The following WDR35 variants were observed in gnomAD, a reference collection of about 807,000 sequenced individuals.
The protein encoded by WDR35 is WD repeat-containing protein 35.
A neutral mutation model predicts 158.3 loss-of-function variants in WDR35; 118 were observed. The ratio of observed to expected loss-of-function variants is 0.75; its 90% CI spans 0.64 to 0.87. WDR35 has a LOEUF of 0.87. Among genes scored for constraint, WDR35 ranks in the 40% least tolerant of loss-of-function variants. The pLI, the probability that WDR35 is intolerant of heterozygous loss-of-function variation, is 0.00. For missense variants in WDR35, 1,263 were observed against 1,405.8 expected (o/e 0.90, Z 1.62); for synonymous variants, 448 against 476.1 (o/e 0.94, Z 0.77).
intron 10 of WDR35, among the ~76,000 whole-genome samples, chr2:19,961,911 A>G (rs1558347416): frequency 1.3e-5 from 2 of 152,194 alleles, no homozygotes; most frequent in Admixed American, 6.5e-5. Context: ...TTGGCGGGAA[A>G]TCATTAGGCA....
At chr2:19,966,935 GAAGGAGATTGA>G (rs1171781936) in intron 9 of WDR35, 26 bp from the exon 10 acceptor site, 3 of 1,606,790 alleles carry the variant, frequency 1.9e-6, no homozygotes, top group East Asian at 4.5e-5. Flanking sequence ...GGAGGAAAGG[GAAGGAGATTGA>G]AAGGGAGAAG....
chr2:19,937,996 C>A (rs1670756475), intron 18 of WDR35, 50 bp from the exon 19 acceptor site: 3 of 1,593,910 alleles, frequency 1.9e-6, no homozygotes, highest in Admixed American at 3.4e-5. Context: ...AAATTACTGA[C>A]AAACTAGTCT....
chr2:19,960,746 T>C (rs1671623058), intron 10 of WDR35, 132 bp from the exon 11 acceptor site: 1 of 690,520 alleles, frequency 1.4e-6, no homozygotes, highest in African/African-American at 1.8e-5. Flanking sequence ...AACTGTTACG[T>C]GCAAAAAATA....
At chr2:19,926,179 T>C (rs980482447) in intron 25 of WDR35, among the ~76,000 whole-genome samples, 9 of 152,392 alleles carry the variant, frequency 5.9e-5, no homozygotes, top group Admixed American at 2.0e-4. Context: ...GATTGCCTTC[T>C]CCTGCTATAA....
Position 19,974,620 on chromosome 2 carries a change from A to G in WDR35, c.584T>C (p.Leu195Pro), listed in dbSNP as rs1328792518. The change falls in exon 7 of 27, where the codon CTG becomes CCG. Residue 195 changes from leucine to proline, a missense_variant. Leu to Pro is a moderately conservative substitution (Grantham distance 98). Transcript: ENST00000281405. The part of the protein sequence containing the change: ...NQGNFMIKMK[L>P]SCLVNVTGAI... Reference sequence around the variant, plus strand: ...TCCAGTGACATTCACCAAACAACTCAGTTTCATTTTTATCTAAATAAAATT... The same window carrying G: ...TCCAGTGACATTCACCAAACAACTCGGTTTCATTTTTATCTAAATAAAATT... The G allele has an allele frequency of 6.2e-7, 1 of 1,613,218 alleles. No homozygotes were observed. The highest frequency in any genetic ancestry group is 1.3e-5 in the African/African-American group (1 of 74,872).
chr2:19,932,407 T>C lies in WDR35; in HGVS notation c.2699A>G (p.Lys900Arg). 6.2e-7 allele frequency: 1 copy of C among 1,613,362 alleles called. No homozygotes were observed. Among genetic ancestry groups the C allele is most frequent in the South Asian group, 1.1e-5 (1 of 91,068 alleles). ...AVELAKNHSM[K>R]EIGSLLARYA... ...CCTAGCTAACAGAGATCCAATTTCTTTCATACTATGATTTTTAGCCAATTC... is the reference window on the plus strand; with the variant it reads ...CCTAGCTAACAGAGATCCAATTTCTCTCATACTATGATTTTTAGCCAATTC... The change falls in exon 23 of 27, where the codon AAA becomes AGA. Residue 900 changes from lysine (K) to arginine (R), a missense_variant. Physicochemically the swap from Lys to Arg is conservative, Grantham distance 26 (BLOSUM62 2). Transcript: ENST00000281405.
rs908391841 is a variant in WDR35, at chr2:19,978,967, G to A, written c.308-88C>T. 8.5e-6 allele frequency: 13 copies of A among 1,534,980 alleles called. No individual in the cohort carries two copies. The East Asian group carries it at 1.1e-4, about 14-fold the overall frequency. On this transcript the variant is annotated intron_variant, in intron 4 of 26. Transcript: ENST00000281405. Reference sequence around the variant, plus strand: ...GAATTGAAAGCATTCCATAAAGTACGCCATGGGACAAATAACTGCAAAGTT... The same window carrying A: ...GAATTGAAAGCATTCCATAAAGTACACCATGGGACAAATAACTGCAAAGTT...
intron 25 of WDR35, among the ~76,000 whole-genome samples, chr2:19,923,059 T>TA (rs1670228440): frequency 6.6e-6 from 1 of 152,242 alleles, no homozygotes; most frequent in African/African-American, 2.4e-5. Context: ...TACTTTTAGT[T>TA]AATCAAATAT....
chr2:19,963,508 A>G lies in WDR35; in HGVS notation c.1195-2894T>C, dbSNP rs545890189. On this transcript the variant is annotated intron_variant, in intron 10 of 26. Coordinates refer to ENST00000281405, the MANE Select transcript of WDR35 (RefSeq NM_020779.4). ...TGTTATCCCCTTAAATTTCTCTTGG[A>G]GCCTTCTGACCTCTCATCTGACTCA... Among the ~76,000 whole-genome samples the G allele has an allele frequency of 4.6e-5, 7 of 152,124 alleles. No homozygotes were observed. In the East Asian group the frequency reaches 9.7e-4, roughly 21 times the overall value.
At chr2:19,960,808 T>C (rs1671625493) in intron 10 of WDR35, among the ~76,000 whole-genome samples, 194 bp from the exon 11 acceptor site, 1 of 152,210 alleles carries the variant, frequency 6.6e-6, no homozygotes, top group African/African-American at 2.4e-5. Context: ...AAAGATCAGT[T>C]AATACTAAAC....
In WDR35 at chr2:19,974,478, C is replaced by T; in HGVS notation, c.726G>A (p.Glu242=). ...AGAAAAATTCCTTACTTTGGTCATT[C>T]TCATGTCTCATTATTTGGCATCTTC... ...DNGRCQIMRH[E]NDQNPVLIDT... Residue 242 remains glutamate (E), a synonymous_variant, in exon 7 of 27, where the codon GAG becomes GAA. Transcript: ENST00000281405. 6.2e-7 allele frequency: 1 copy of T among 1,608,064 alleles called. No homozygotes were observed. The highest frequency in any genetic ancestry group is 8.5e-7 in the Non-Finnish European group (1 of 1,177,248).
chr2:19,988,414 T>C (rs547418824), intron 2 of WDR35, among the ~76,000 whole-genome samples: 1 of 152,318 alleles, frequency 6.6e-6, no homozygotes, highest in South Asian at 2.1e-4. Context: ...ATGAAATCCA[T>C]CTTAACAACC....
chr2:19,984,957 T>C (rs1187525143), intron 2 of WDR35, among the ~76,000 whole-genome samples: 2 of 152,218 alleles, frequency 1.3e-5, no homozygotes, highest in African/African-American at 4.8e-5. Flanking sequence ...GATCATCTGG[T>C]TGCCTTGCTT....
rs761709627 is a variant in WDR35 at position 19,930,502 on chromosome 2, T to G, written c.3015A>C (p.Thr1005=). 6.2e-7 allele frequency: 1 copy of G among 1,614,198 alleles called. No homozygotes were observed. Among genetic ancestry groups the G allele is most frequent in the Non-Finnish European group, 8.5e-7 (1 of 1,180,040 alleles). The change falls in exon 25 of 27, where the codon ACA becomes ACC. Residue 1005 remains threonine (T), a synonymous_variant. Coordinates refer to ENST00000281405, the MANE Select transcript of WDR35 (RefSeq NM_020779.4). The part of the protein sequence containing the change: ...GLLEEEVLST[T]DRFTDNAWRG... ...TCCATGCATTATCTGTGAAACGATCTGTTGTAGACAGAACTTCTTCTTCCA... is the reference window on the plus strand; with the variant it reads ...TCCATGCATTATCTGTGAAACGATCGGTTGTAGACAGAACTTCTTCTTCCA...
chr2:19,962,470 C>T (rs1671693872), intron 10 of WDR35: 7 of 756,734 alleles, frequency 9.3e-6, no homozygotes, highest in Non-Finnish European at 2.2e-6. Context: ...ACGTAATGCA[C>T]ATTTTACATC....
intron 9 of WDR35, among the ~76,000 whole-genome samples, chr2:19,968,094 G>T (rs1165156581): frequency 6.6e-6 from 1 of 152,086 alleles, no homozygotes; most frequent in Non-Finnish European, 1.5e-5. Context: ...CCCTCAATTT[G>T]GGTTTGTCTG....
Position 19,969,479 on chromosome 2 carries a change from C to T in WDR35, c.1008+1G>A, listed in dbSNP as rs1395080158. On this transcript the variant is annotated splice_donor_variant, in intron 9 of 26. Coordinates refer to ENST00000281405, the MANE Select transcript of WDR35 (RefSeq NM_020779.4). LOFTEE classifies it high-confidence loss of function. Reference sequence around the variant, plus strand: ...ATTTTACAACTGCTCTTAATATTTACCTTATAATTAGGTCGAATGTTTGCA... The same window carrying T: ...ATTTTACAACTGCTCTTAATATTTATCTTATAATTAGGTCGAATGTTTGCA... 1 of 1,610,256 alleles carries T rather than the reference C, an allele frequency of 6.2e-7. No homozygotes were observed. Among genetic ancestry groups the T allele is most frequent in the African/African-American group, 1.3e-5 (1 of 74,942 alleles).
intron 16 of WDR35, among the ~76,000 whole-genome samples, chr2:19,943,246 T>G (rs868860619): frequency 6.6e-6 from 1 of 152,112 alleles, no homozygotes; most frequent in Non-Finnish European, 1.5e-5. Context: ...GATTCTTGTA[T>G]CAGTCACATT....
In WDR35 at chr2:19,935,620, G is replaced by A. The variant is rs1007646700; in HGVS notation, c.2415-17C>T. On this transcript the variant is annotated splice_polypyrimidine_tract_variant and intron_variant, in intron 20 of 26. Coordinates refer to ENST00000281405, the MANE Select transcript of WDR35 (RefSeq NM_020779.4). ...GCATTCAACCTACAGAAAGAAAAAA[G>A]GAAAAACTTTTAAAACTAATGTGAA... 6.2e-7 allele frequency: 1 copy of A among 1,608,302 alleles called. No individual in the cohort carries two copies. Among genetic ancestry groups the A allele is most frequent in the Admixed American group, 1.7e-5 (1 of 59,620 alleles).
Sources: gnomAD v4.1 joint callset for allele counts (sites outside exome capture counted in the v4.1 genomes callset) on GRCh38, gnomAD v4.1.1 for gene constraint, MANE v1.5 for transcripts, NCBI Gene and HGNC (gene_info 2026-07-23, HGNC 2026-07-21) for gene names.